Variants in RYR2 observed in about 807,000 individuals in gnomAD.
The protein encoded by RYR2 is ryanodine receptor 2, also known as cardiac muscle ryanodine receptor-calcium release channel.
In RYR2, 227 loss-of-function variants were observed where a neutral mutation model predicts 601.1. The observed-to-expected ratio is 0.38, with a 90% CI of 0.34 to 0.42. The LOEUF (loss-of-function observed/expected upper bound fraction) is 0.42. RYR2 is among the 10% of genes least tolerant of loss of function. The pLI is 1.00. For synonymous variants in RYR2, 2,223 were observed against 2,175.1 expected, an observed-to-expected ratio of 1.02 and a Z score of -0.61; for missense variants, 4,646 against 6,156.5, an observed-to-expected ratio of 0.75 and a Z score of 8.21.
At chr1:237,059,142 A>T in intron 1 of RYR2, among the ~76,000 whole-genome samples, 1 of 152,138 alleles carries the variant, frequency 6.6e-6, no homozygotes, top group African/African-American at 2.4e-5. Context: ...GAGGGAACAG[A>T]GATCATTTCC....
chr1:237,120,316 T>C (rs1488104278), intron 1 of RYR2, among the ~76,000 whole-genome samples: 1 of 152,222 alleles, frequency 6.6e-6, no homozygotes, highest in African/African-American at 2.4e-5. Flanking sequence ...GGAATTATAG[T>C]GGCTAGGAAA....
chr1:237,433,702 C>T (rs900577351), intron 12 of RYR2, among the ~76,000 whole-genome samples: 1 of 152,036 alleles, frequency 6.6e-6, no homozygotes, highest in Admixed American at 6.6e-5. Flanking sequence ...AAAATTCTTG[C>T]CCTCTCTTTA....
chr1:237,353,970 G>A (rs952519256), intron 3 of RYR2, among the ~76,000 whole-genome samples: 48 of 152,012 alleles, frequency 3.2e-4, no homozygotes, highest in Admixed American at 2.9e-3. Context: ...CCTTTTCACC[G>A]TTTGCAGGAA....
At chr1:237,376,586 G>T (rs1701053638) in intron 7 of RYR2, among the ~76,000 whole-genome samples, 1 of 152,170 alleles carries the variant, frequency 6.6e-6, no homozygotes, top group African/African-American at 2.4e-5. Context: ...AAGGTATTAT[G>T]AACAGAATGA....
intron 37 of RYR2, among the ~76,000 whole-genome samples, chr1:237,616,360 T>C (rs1354234880): frequency 6.6e-6 from 1 of 152,170 alleles, no homozygotes; most frequent in Non-Finnish European, 1.5e-5. Context: ...TCCTTTTGGT[T>C]TTCAGTAGGA....
At chr1:237,304,364 A>T (rs998664188) in intron 2 of RYR2, among the ~76,000 whole-genome samples, 2 of 152,204 alleles carry the variant, frequency 1.3e-5, no homozygotes, top group Non-Finnish European at 2.9e-5. Flanking sequence ...TTCCTCATCC[A>T]TTATAACTGA....
At chr1:237,101,334 CAA>C (rs1203456842) in intron 1 of RYR2, among the ~76,000 whole-genome samples, 1 of 123,986 alleles carries the variant, frequency 8.1e-6, no homozygotes, top group African/African-American at 2.9e-5. Context: ...ACCTCACAAA[CAA>C]GATGTTTCTT....
intron 98 of RYR2, among the ~76,000 whole-genome samples, chr1:237,804,245 T>C (rs1192171993): frequency 6.6e-6 from 1 of 151,074 alleles, no homozygotes; most frequent in Non-Finnish European, 1.5e-5. Flanking sequence ...TCCAACTTGG[T>C]CTTGCAAAAC....
intron 17 of RYR2, among the ~76,000 whole-genome samples, chr1:237,487,788 A>G (rs1288624709): frequency 1.3e-5 from 2 of 151,068 alleles, no homozygotes; most frequent in Non-Finnish European, 2.9e-5. Flanking sequence ...GCCATCTAAT[A>G]TGCCTGCATA....
intron 2 of RYR2, among the ~76,000 whole-genome samples, chr1:237,282,469 T>C (rs1238172258): frequency 6.6e-6 from 1 of 152,192 alleles, no homozygotes; most frequent in African/African-American, 2.4e-5. Context: ...ATTTGGTCCA[T>C]GGCCATGATG....
chr1:237,648,049 G>T (rs1682355279), intron 48 of RYR2, among the ~76,000 whole-genome samples: 1 of 152,164 alleles, frequency 6.6e-6, no homozygotes, highest in Non-Finnish European at 1.5e-5. Flanking sequence ...TCACATAAAG[G>T]TAGATGAGCT....
intron 29 of RYR2, among the ~76,000 whole-genome samples, chr1:237,574,292 C>T (rs557820480): frequency 6.6e-6 from 1 of 152,308 alleles, no homozygotes; most frequent in African/African-American, 2.4e-5. Context: ...TGTCTCTTCT[C>T]ACCATTGGAC....
At chr1:237,590,047 A>T in intron 30 of RYR2, 46 bp downstream of exon 30, 1 of 1,539,572 alleles carries the variant, frequency 6.5e-7, no homozygotes, top group South Asian at 1.2e-5. Context: ...AAAGCAGGAA[A>T]AGAATATCTT....
At chr1:237,757,664 A>T (rs1693071250) in intron 81 of RYR2, 33 bp from the exon 82 acceptor site, 2 of 1,395,924 alleles carry the variant, frequency 1.4e-6, no homozygotes, top group South Asian at 2.3e-5. Context: ...AGGCGAAATG[A>T]TATAAGGAAC....
intron 81 of RYR2, 80 bp downstream of exon 81, chr1:237,756,467 T>C: frequency 1.2e-6 from 1 of 858,896 alleles, no homozygotes; most frequent in Non-Finnish European, 1.9e-6. Context: ...CTCATTTCAA[T>C]TCCACTGACT....
At chr1:237,476,462 A>G (rs1661407745) in intron 17 of RYR2, among the ~76,000 whole-genome samples, 1 of 143,054 alleles carries the variant, frequency 7.0e-6, no homozygotes, top group South Asian at 2.3e-4. Flanking sequence ...GTGAGCCAAG[A>G]TTGCGCCACT....
intron 2 of RYR2, among the ~76,000 whole-genome samples, chr1:237,329,701 C>G (rs1300993772): frequency 1.3e-5 from 2 of 151,964 alleles, no homozygotes; most frequent in Admixed American, 1.3e-4. Flanking sequence ...ACAAGTACTG[C>G]TCTCCTACGT....
At chr1:237,267,241 G>A (rs1689165239) in intron 1 of RYR2, among the ~76,000 whole-genome samples, 1 of 152,194 alleles carries the variant, frequency 6.6e-6, no homozygotes, top group African/African-American at 2.4e-5. Context: ...ATATCTGGCT[G>A]GGCGCAGTGG....
intron 10 of RYR2, among the ~76,000 whole-genome samples, chr1:237,400,659 C>T (rs890976494): frequency 6.6e-6 from 1 of 151,912 alleles, no homozygotes; most frequent in Non-Finnish European, 1.5e-5. Flanking sequence ...TAATAGTAGA[C>T]ATTATTTATA....
Sources: gnomAD v4.1 joint callset for allele counts (sites outside exome capture counted in the v4.1 genomes callset) on GRCh38, gnomAD v4.1.1 for gene constraint, MANE v1.5 for transcripts, NCBI Gene and HGNC (gene_info 2026-07-23, HGNC 2026-07-21) for gene names.